XRCC5: variants seen among roughly 807,000 people sequenced by gnomAD.
XRCC5 encodes X-ray repair cross complementing 5.
Under a neutral mutation model 95.7 loss-of-function variants are expected in XRCC5, and 12 were observed. The ratio of observed to expected loss-of-function variants is 0.13; its 90% CI spans 0.08 to 0.20. The LOEUF is 0.20. XRCC5 is among the 10% of genes least tolerant of loss of function. The pLI is 1.00. For synonymous variants in XRCC5, 281 were observed against 290.3 expected (o/e 0.97, Z 0.33); for missense variants, 595 against 873.9 (o/e 0.68, Z 4.02).
chr2:216,165,952 G>A (rs183049339), intron 16 of XRCC5, among the ~76,000 whole-genome samples: 1 of 152,084 alleles, frequency 6.6e-6, no homozygotes, highest in Admixed American at 6.5e-5. Context: ...CTGGTTTTCA[G>A]TGTGAGGGAT....
intron 8 of XRCC5, chr2:216,127,886 T>A (rs1349432332): frequency 6.1e-6 from 2 of 330,508 alleles, no homozygotes; most frequent in Non-Finnish European, 1.1e-5. Flanking sequence ...GGGTGTTCCA[T>A]CTCTGTGAGT....
chr2:216,121,818 G>A (rs1178538863), intron 5 of XRCC5, among the ~76,000 whole-genome samples: 1 of 152,164 alleles, frequency 6.6e-6, no homozygotes, highest in Non-Finnish European at 1.5e-5. Context: ...ACTTCCTAAG[G>A]CCTTGTGCCA....
At chr2:216,119,811 TTCTC>T (rs1255086789) in intron 5 of XRCC5, among the ~76,000 whole-genome samples, 4 of 152,246 alleles carry the variant, frequency 2.6e-5, no homozygotes, top group Non-Finnish European at 1.5e-5. Flanking sequence ...GGGATTTACT[TTCTC>T]TGTGTTATAT....
chr2:216,109,385 A>G lies in XRCC5; in HGVS notation c.-52A>G, dbSNP rs572973922. 5 of 1,612,810 alleles carry G rather than the reference A, an allele frequency of 3.1e-6. No homozygotes were observed. Among genetic ancestry groups the G allele is most frequent in the Admixed American group, 1.7e-5 (1 of 59,916 alleles). On this transcript the variant is annotated 5_prime_UTR_variant, in exon 1 of 21. Transcript: ENST00000392132. ...TTGTCCACCGGAAGCGAGTTGCGAC[A>G]CGGCAGGTTCCCGCCCGGAAGAAGC...
rs886737408 is a variant in XRCC5, at chr2:216,137,221, A to G, written c.1247A>G (p.Tyr416Cys). 1 of 1,612,618 alleles carries G rather than the reference A, an allele frequency of 6.2e-7. No homozygotes were observed. Among genetic ancestry groups the G allele is most frequent in the East Asian group, 2.2e-5 (1 of 44,836 alleles). ...GVAFPHIKHN[Y>C]ECLVYVQLPF... is the part of the protein sequence containing the mutation. Reference sequence around the variant, plus strand: ...GCTTTTCCTCATATCAAGCATAACTATGAGGTAAAACCCAAAGTCTTAATG... The same window carrying G: ...GCTTTTCCTCATATCAAGCATAACTGTGAGGTAAAACCCAAAGTCTTAATG... The change falls in exon 11 of 21, where the codon TAT (tyrosine) becomes TGT (cysteine). Residue 416 changes from tyrosine (Y) to cysteine (C), a missense_variant. This residue lies in a region of XRCC5 where 309 missense variants were observed against 382.9 expected (regional missense o/e 0.81). Transcript: ENST00000392132.
At chr2:216,167,411 T>C (rs1303491179) in intron 16 of XRCC5, among the ~76,000 whole-genome samples, 1 of 152,160 alleles carries the variant, frequency 6.6e-6, no homozygotes, top group Non-Finnish European at 1.5e-5. Context: ...CAAAGCCAAA[T>C]AGTTTTCAGT....
chr2:216,118,956 T>C, intron 4 of XRCC5, 87 bp from the exon 5 acceptor site: 3 of 1,409,524 alleles, frequency 2.1e-6, no homozygotes, highest in Non-Finnish European at 9.9e-7. Context: ...ATTTCTAAGC[T>C]TCTCTCCTCA....
intron 14 of XRCC5, among the ~76,000 whole-genome samples, chr2:216,151,309 A>G (rs890856935): frequency 6.6e-6 from 1 of 152,212 alleles, no homozygotes; most frequent in Non-Finnish European, 1.5e-5. Flanking sequence ...TGAAAATGTC[A>G]TCTCTTGGAC....
At chr2:216,147,979 C>A in intron 13 of XRCC5, 104 bp from the exon 14 acceptor site, 1 of 1,220,282 alleles carries the variant, frequency 8.2e-7, no homozygotes, top group Non-Finnish European at 1.2e-6. Context: ...TGGTATGAAT[C>A]ACTTAGCCCT....
intron 16 of XRCC5, among the ~76,000 whole-genome samples, chr2:216,170,037 C>CAAAAAAAAAAAAAAAAAAAAAAA (rs71047982): frequency 1.9e-5 from 1 of 53,606 alleles, no homozygotes; most frequent in African/African-American, 5.4e-5. Flanking sequence ...GACTGTGTCT[C>CAAAAAAAAAAAAAAAAAAAAAAA]AAAAAAAAAA....
chr2:216,203,070 A>G (rs1004280782), intron 19 of XRCC5, among the ~76,000 whole-genome samples: 1 of 152,208 alleles, frequency 6.6e-6, no homozygotes, highest in Non-Finnish European at 1.5e-5. Flanking sequence ...AATGTAGAGA[A>G]TGGCAGCTCT....
At chr2:216,137,942 A>G (rs1407917171) in intron 11 of XRCC5, 147 bp from the exon 12 acceptor site, 8 of 642,156 alleles carry the variant, frequency 1.2e-5, no homozygotes, top group Non-Finnish European at 2.1e-5. Context: ...AGCAGAAGTC[A>G]AAACACTTCA....
chr2:216,187,857 T>TCCC (rs1553579193), intron 16 of XRCC5, among the ~76,000 whole-genome samples: 2 of 117,318 alleles, frequency 1.7e-5, no homozygotes, highest in African/African-American at 7.9e-5. Context: ...TCTCTCTCTC[T>TCCC]CTCTCCCCGT....
At chr2:216,119,368 G>C (rs1696766330) in intron 5 of XRCC5, among the ~76,000 whole-genome samples, 1 of 152,210 alleles carries the variant, frequency 6.6e-6, no homozygotes, top group African/African-American at 2.4e-5. Context: ...GTGACAAAAA[G>C]ATGAAAGTCA....
At chr2:216,202,921 T>C (rs1425779659) in intron 19 of XRCC5, among the ~76,000 whole-genome samples, 1 of 152,250 alleles carries the variant, frequency 6.6e-6, no homozygotes, top group Non-Finnish European at 1.5e-5. Context: ...CTTTCTTGCT[T>C]CCTGAAACTT....
At chr2:216,158,399 A>T (rs1015209374) in intron 14 of XRCC5, among the ~76,000 whole-genome samples, 1 of 152,192 alleles carries the variant, frequency 6.6e-6, no homozygotes. Context: ...GGCAAAATCG[A>T]GACTAGAATC....
intron 13 of XRCC5, among the ~76,000 whole-genome samples, chr2:216,141,707 G>C (rs1234985464): frequency 3.3e-5 from 5 of 151,924 alleles, no homozygotes; most frequent in African/African-American, 1.2e-4. Flanking sequence ...CTGAACAGCT[G>C]GGATTGCAGG....
chr2:216,137,286 T>C, intron 11 of XRCC5, 61 bp downstream of exon 11: 2 of 1,536,930 alleles, frequency 1.3e-6, no homozygotes, highest in East Asian at 2.3e-5. Flanking sequence ...AAGCAGTGTT[T>C]CTCAGCTGTT....
rs200139007 is a variant in XRCC5 at position 216,159,955 on chromosome 2, TTTC to T, written c.1671-101_1671-99del. ...TCTTTTTCTTCTTCATTATTTTTCT[TTTC>T]TTCTTCTTCTTTTTTCTTTTTTTTT... On this transcript the variant is annotated intron_variant, in intron 14 of 20. Transcript: ENST00000392132. 4.8e-3 allele frequency: 2,875 copies of T among 602,402 alleles called. 41 individuals are homozygous for T. Among genetic ancestry groups the T allele is most frequent in the African/African-American group, 0.04 (1,982 of 48,962 alleles). The allele number at this position is 602,402 out of a possible 1,614,324, so 37.3% of individuals were successfully genotyped here.
Sources: gnomAD v4.1 joint callset for allele counts (sites outside exome capture counted in the v4.1 genomes callset) on GRCh38, gnomAD v4.1.1 for gene constraint, gnomAD v4.1.1 regional missense constraint, MANE v1.5 for transcripts, NCBI Gene and HGNC (gene_info 2026-07-23, HGNC 2026-07-21) for gene names.